Variants in PCDHGA7 observed in about 807,000 individuals in gnomAD.
PCDHGA7 encodes protocadherin gamma subfamily A, 7.
Under a neutral mutation model 58.3 loss-of-function variants are expected in PCDHGA7, and 44 were observed. That is an observed-to-expected ratio of 0.75 (90% confidence interval 0.59 to 0.97). PCDHGA7 has a LOEUF of 0.97. Ranked by LOEUF, PCDHGA7 falls within the 50% of genes least tolerant of loss-of-function variation. The pLI, the probability that PCDHGA7 is intolerant of heterozygous loss-of-function variation, is 0.00. For missense variants in PCDHGA7, 1,266 were observed against 1,188.7 expected (o/e 1.06, Z -0.96); for synonymous variants, 516 against 504.2 (o/e 1.02, Z -0.31).
At chr5:141,399,315 T>C in intron 1 of PCDHGA7, 2 of 1,613,878 alleles carry the variant, frequency 1.2e-6, no homozygotes, top group Non-Finnish European at 8.5e-7. Flanking sequence ...CATCCAAAAA[T>C]TCGTATAAGT....
At chr5:141,426,916 A>T (rs1227752756) in intron 1 of PCDHGA7, 2 of 456,618 alleles carry the variant, frequency 4.4e-6, no homozygotes, top group Non-Finnish European at 4.4e-6. Context: ...CTGGTCCTGG[A>T]AGCAATGGAC....
chr5:141,476,979 G>C lies in PCDHGA7; in HGVS notation c.2425-17828G>C. On this transcript the variant is annotated intron_variant, in intron 1 of 3. Coordinates refer to ENST00000518325, the MANE Select transcript of PCDHGA7 (RefSeq NM_018920.4). The surrounding 1 kb of genome is among the most constrained non-coding windows in gnomAD (Gnocchi z 7.6). Reference sequence around the variant, plus strand: ...ATTTACTCCTTCGGCAGCCACAACCGCGCCGGCGTGCGGCAACTATTCGCC... The same window carrying C: ...ATTTACTCCTTCGGCAGCCACAACCCCGCCGGCGTGCGGCAACTATTCGCC... 1 of 1,614,238 alleles carries C rather than the reference G, an allele frequency of 6.2e-7. No homozygotes were observed. The highest frequency in any genetic ancestry group is 1.3e-5 in the African/African-American group (1 of 75,074).
intron 1 of PCDHGA7, chr5:141,421,816 C>T (rs981400135): frequency 1.2e-5 from 19 of 1,613,696 alleles, no homozygotes; most frequent in Non-Finnish European, 1.4e-5. Context: ...AGAGCTAGTA[C>T]TGGAGGGAAG....
intron 1 of PCDHGA7, among the ~76,000 whole-genome samples, chr5:141,458,298 A>G (rs2098942125): frequency 6.6e-6 from 1 of 152,178 alleles, no homozygotes; most frequent in African/African-American, 2.4e-5. Context: ...ATGCTGGTTT[A>G]GATAAAATGA....
chr5:141,431,553 A>T lies in PCDHGA7; in HGVS notation c.2424+46230A>T, dbSNP rs762863300. On this transcript the variant is annotated intron_variant, in intron 1 of 3. Coordinates refer to ENST00000518325, the MANE Select transcript of PCDHGA7 (RefSeq NM_018920.4). The surrounding 1 kb of genome is among the most constrained non-coding windows in gnomAD (Gnocchi z 4.8). Reference sequence around the variant, plus strand: ...TTGGGCACGCAGCTGCTTGTAGTCAACGCTACCGACCCTGACGAAGGAGTC... The same window carrying T: ...TTGGGCACGCAGCTGCTTGTAGTCATCGCTACCGACCCTGACGAAGGAGTC... The T allele has an allele frequency of 1.1e-5, 18 of 1,613,994 alleles. 1 individual carries two copies. Among genetic ancestry groups the T allele is most frequent in the Non-Finnish European group, 3.4e-6 (4 of 1,180,028 alleles).
At chr5:141,399,435 A>G (rs568070353) in intron 1 of PCDHGA7, 20 of 1,613,972 alleles carry the variant, frequency 1.2e-5, no homozygotes, top group African/African-American at 9.3e-5. Context: ...GCGTCATCCT[A>G]CATATCAGAG....
Position 141,490,826 on chromosome 5 carries a change from T to A in PCDHGA7, c.2425-3981T>A, listed in dbSNP as rs1195265146. ...ACCTTTGACTATGAATTGCTGCAGA[T>A]GCTGCAGATTGTGGTGGGGGTTCGA... On this transcript the variant is annotated intron_variant, in intron 1 of 3. Coordinates refer to ENST00000518325, the MANE Select transcript of PCDHGA7 (RefSeq NM_018920.4). The surrounding 1 kb of genome is among the most constrained non-coding windows in gnomAD (Gnocchi z 5.4). 6.2e-7 allele frequency: 1 copy of A among 1,613,736 alleles called. No homozygotes were observed. The highest frequency in any genetic ancestry group is 8.5e-7 in the Non-Finnish European group (1 of 1,179,796).
At chr5:141,494,965 C>T in intron 2 of PCDHGA7, 100 bp downstream of exon 2, 1 of 1,592,636 alleles carries the variant, frequency 6.3e-7, no homozygotes, top group Non-Finnish European at 8.6e-7. Context: ...CTACAGATGG[C>T]TTCTCCCTCA....
intron 1 of PCDHGA7, among the ~76,000 whole-genome samples, chr5:141,436,292 G>T (rs2097808605): frequency 6.6e-6 from 1 of 152,158 alleles, no homozygotes; most frequent in Non-Finnish European, 1.5e-5. Context: ...ACAAATCATT[G>T]AGAGTTAGAG....
At chr5:141,429,169 T>TACATACACACACACACAC (rs369570830) in intron 1 of PCDHGA7, 115 of 145,474 alleles carry the variant, frequency 7.9e-4, no homozygotes, top group African/African-American at 2.1e-3. Flanking sequence ...ACATTGTTTA[T>TACATACACACACACACAC]ACACACACAC....
chr5:141,421,885 G>A (rs2096608692), intron 1 of PCDHGA7: 1 of 1,613,574 alleles, frequency 6.2e-7, no homozygotes, highest in African/African-American at 1.3e-5. Context: ...AGATGGAGGC[G>A]ATCCCATCCG....
chr5:141,394,661 C>T (rs1471316947), intron 1 of PCDHGA7: 1 of 1,613,378 alleles, frequency 6.2e-7, no homozygotes, highest in Non-Finnish European at 8.5e-7. Flanking sequence ...AGCCGGGACT[C>T]TTCTCGGTGG....
Position 141,477,304 on chromosome 5 carries a change from T to C in PCDHGA7, c.2425-17503T>C. The C allele has an allele frequency of 6.2e-7, 1 of 1,614,160 alleles. No individual in the cohort carries two copies. Among genetic ancestry groups the C allele is most frequent in the Non-Finnish European group, 8.5e-7 (1 of 1,180,030 alleles). ...CCTGCGAAGTTCCACCGGGTCTCCCTTTCAGCCTTACTTCTTCCCTCAAGA... is the reference window on the plus strand; with the variant it reads ...CCTGCGAAGTTCCACCGGGTCTCCCCTTCAGCCTTACTTCTTCCCTCAAGA... On this transcript the variant is annotated intron_variant, in intron 1 of 3. Transcript: ENST00000518325. This position sits in a 1 kb window ranked among gnomAD's most constrained non-coding sequence, Gnocchi z 4.9.
At chr5:141,479,930 T>C (rs1355410974) in intron 1 of PCDHGA7, among the ~76,000 whole-genome samples, 15 of 152,218 alleles carry the variant, frequency 9.9e-5, no homozygotes, top group Non-Finnish European at 1.9e-4. Context: ...CAGTGCATCA[T>C]TGCTATCAAC....
chr5:141,476,619 CTT>C lies in PCDHGA7; in HGVS notation c.2425-18186_2425-18185del. Reference sequence around the variant, plus strand: ...CACGATCCCGATGTGGGAAGCAACTCTTTACAAACCTATGAGCTGAGCCGAAA... The same window carrying C: ...CACGATCCCGATGTGGGAAGCAACTCTACAAACCTATGAGCTGAGCCGAAA... On this transcript the variant is annotated intron_variant, in intron 1 of 3. Transcript: ENST00000518325. This position sits in a 1 kb window ranked among gnomAD's most constrained non-coding sequence, Gnocchi z 7.6. The C allele has an allele frequency of 1.2e-6, 2 of 1,614,258 alleles. No homozygotes were observed. The highest frequency in any genetic ancestry group is 1.7e-6 in the Non-Finnish European group (2 of 1,180,052).
intron 1 of PCDHGA7, chr5:141,410,911 T>C (rs927103159): frequency 2.6e-5 from 7 of 267,884 alleles, no homozygotes; most frequent in African/African-American, 7.8e-5. Flanking sequence ...TGGAGTGCAG[T>C]GGCGTGATCT....
At chr5:141,428,064 G>C in intron 1 of PCDHGA7, 1 of 1,609,060 alleles carries the variant, frequency 6.2e-7, no homozygotes, top group East Asian at 2.2e-5. Flanking sequence ...GGCGGTGGAC[G>C]CAGATTCGGG....
chr5:141,392,649 C>G, intron 1 of PCDHGA7: 1 of 703,200 alleles, frequency 1.4e-6, no homozygotes, highest in Non-Finnish European at 2.2e-6. Flanking sequence ...CACGAAGACC[C>G]GCAGATGCCA....
intron 1 of PCDHGA7, chr5:141,409,124 G>T: frequency 6.2e-7 from 1 of 1,613,940 alleles, no homozygotes. Context: ...CCAGTCATTT[G>T]ATTTTGAAGA....
Sources: gnomAD v4.1 joint callset for allele counts (sites outside exome capture counted in the v4.1 genomes callset) on GRCh38, gnomAD v4.1.1 for gene constraint, Gnocchi (gnomAD v3.1) non-coding constraint, MANE v1.5 for transcripts, NCBI Gene and HGNC (gene_info 2026-07-23, HGNC 2026-07-21) for gene names.